The following STK39 variants were observed in gnomAD, a reference collection of about 807,000 sequenced individuals.
STK39 encodes serine/threonine kinase 39.
Under a neutral mutation model 77.8 loss-of-function variants are expected in STK39, and 20 were observed. The ratio of observed to expected loss-of-function variants is 0.26; its 90% CI spans 0.18 to 0.37. The LOEUF is 0.37. Ranked by LOEUF, STK39 falls within the 10% of genes least tolerant of loss-of-function variation. The pLI, the probability that STK39 is intolerant of heterozygous loss-of-function variation, is 1.00. For synonymous variants in STK39, 246 were observed against 234.1 expected (o/e 1.05, Z -0.47); for missense variants, 479 against 656.5 (o/e 0.73, Z 2.95).
At position 167,954,124 on chromosome 2, in the gene STK39, C is replaced by T. The variant is rs149907118; in HGVS notation, c.*1372G>A. The stretch of plus-strand genomic sequence containing the variant: ...GAATGAAATTACATTAAATTGTATG[C>T]AAATGGCTCTAGAACACCTTAACAA... On this transcript the variant is annotated 3_prime_UTR_variant, in exon 18 of 18. Coordinates refer to ENST00000355999, the MANE Select transcript of STK39 (RefSeq NM_013233.3). 232 of 152,690 alleles carry T rather than the reference C, an allele frequency of 1.5e-3. 1 individual carries two copies. Among genetic ancestry groups the T allele is most frequent in the African/African-American group, 5.3e-3 (219 of 41,536 alleles). 9.5% of individuals were successfully genotyped at this position (152,690 alleles called of 1,614,324 possible). A position where few individuals can be genotyped will look rare whatever the true frequency, so the allele number is the denominator to read the frequency against.
intron 16 of STK39, among the ~76,000 whole-genome samples, chr2:168,011,342 G>A (rs898802478): frequency 6.7e-6 from 1 of 150,070 alleles, no homozygotes; most frequent in African/African-American, 2.5e-5. Context: ...TATCATTTAA[G>A]GGGAGCATGT....
intron 1 of STK39, among the ~76,000 whole-genome samples, chr2:168,221,434 A>C (rs1046207360): frequency 6.6e-6 from 1 of 152,176 alleles, no homozygotes; most frequent in African/African-American, 2.4e-5. Flanking sequence ...AACTTCAAAA[A>C]CTTTTTATGA....
intron 16 of STK39, among the ~76,000 whole-genome samples, chr2:168,004,552 G>T (rs1290099201): frequency 6.6e-6 from 1 of 151,816 alleles, no homozygotes; most frequent in Non-Finnish European, 1.5e-5. Context: ...GTAACAGGGC[G>T]AAACCCCGTC....
At chr2:168,005,417 A>T (rs1209834918) in intron 16 of STK39, among the ~76,000 whole-genome samples, 1 of 63,964 alleles carries the variant, frequency 1.6e-5, no homozygotes, top group African/African-American at 1.1e-4. Context: ...CGCAGAGAGG[A>T]AAAAAAAAAA....
At chr2:168,224,198 C>G (rs768116506) in intron 1 of STK39, among the ~76,000 whole-genome samples, 16 of 151,520 alleles carry the variant, frequency 1.1e-4, no homozygotes, top group Non-Finnish European at 2.1e-4. Flanking sequence ...AATTCTTAAA[C>G]TAAAAAAACA....
At chr2:168,132,651 T>C (rs942481165) in intron 8 of STK39, among the ~76,000 whole-genome samples, 2 of 152,152 alleles carry the variant, frequency 1.3e-5, no homozygotes, top group Admixed American at 6.5e-5. Flanking sequence ...CCAATTTAAA[T>C]GTCATCTTCA....
At position 168,224,080 on chromosome 2, in the gene STK39, T is replaced by C. The variant is rs1465846645; in HGVS notation, c.208+23148A>G. 2.0e-5 allele frequency among the ~76,000 whole-genome samples: 3 copies of C among 152,142 alleles called. No homozygotes were observed. The East Asian group carries it at 5.8e-4, about 29-fold the overall frequency. ...TGTAAACATAAAGAAAAAAAGATTATATATAGTCATATGTTCTATATATAA... is the reference window on the plus strand; with the variant it reads ...TGTAAACATAAAGAAAAAAAGATTACATATAGTCATATGTTCTATATATAA... On this transcript the variant is annotated intron_variant, in intron 1 of 17. Coordinates refer to ENST00000355999, the MANE Select transcript of STK39 (RefSeq NM_013233.3).
rs1258665448 is a variant in STK39 at position 167,955,704 on chromosome 2, G to C, written c.1564-134C>G. 8 of 799,036 alleles carry C rather than the reference G, an allele frequency of 1.0e-5. No homozygotes were observed. The East Asian group carries it at 2.2e-4, about 22-fold the overall frequency. 49.5% of individuals were successfully genotyped at this position (799,036 alleles called of 1,614,324 possible). A position where few individuals can be genotyped will look rare whatever the true frequency, so the allele number is the denominator to read the frequency against. ...CATGTGTCCCATTTCTTCCAGAAGA[G>C]AGACGCCAGCCACTCTCTCGAATGA... On this transcript the variant is annotated intron_variant, in intron 17 of 17. Coordinates refer to ENST00000355999, the MANE Select transcript of STK39 (RefSeq NM_013233.3).
intron 16 of STK39, among the ~76,000 whole-genome samples, chr2:167,999,295 TC>T (rs1683931541): frequency 6.6e-6 from 1 of 152,246 alleles, no homozygotes; most frequent in African/African-American, 2.4e-5. Context: ...ACATCATTTT[TC>T]CTTCAGAATG....
At chr2:168,209,105 C>G (rs946178130) in intron 1 of STK39, among the ~76,000 whole-genome samples, 1 of 152,100 alleles carries the variant, frequency 6.6e-6, no homozygotes, top group African/African-American at 2.4e-5. Context: ...TACAAACCTT[C>G]GATTTTGGTT....
intron 10 of STK39, among the ~76,000 whole-genome samples, chr2:168,109,140 C>A (rs1013036370): frequency 1.3e-5 from 2 of 152,110 alleles, no homozygotes; most frequent in African/African-American, 4.8e-5. Context: ...CATATACAAA[C>A]AACATATATT....
At chr2:168,163,627 C>G in intron 4 of STK39, 112 bp downstream of exon 4, 1 of 1,596,650 alleles carries the variant, frequency 6.3e-7, no homozygotes, top group Non-Finnish European at 8.5e-7. Flanking sequence ...TTAAACATCT[C>G]TGCAGAGGTC....
intron 1 of STK39, among the ~76,000 whole-genome samples, chr2:168,214,082 A>G (rs1470174565): frequency 6.6e-6 from 1 of 151,938 alleles, no homozygotes; most frequent in Non-Finnish European, 1.5e-5. Flanking sequence ...AGCAGCATGG[A>G]CTCTAGAGCC....
chr2:168,100,085 A>G (rs1014071918), intron 10 of STK39, among the ~76,000 whole-genome samples: 1 of 152,256 alleles, frequency 6.6e-6, no homozygotes, highest in African/African-American at 2.4e-5. Context: ...AAAAGTCAAT[A>G]GCAGGCAGGG....
chr2:167,969,538 G>A (rs956745449), intron 16 of STK39, among the ~76,000 whole-genome samples: 24 of 152,010 alleles, frequency 1.6e-4, no homozygotes, highest in African/African-American at 5.1e-4. Context: ...TCTTATCATC[G>A]TGTACTGAAA....
intron 5 of STK39, among the ~76,000 whole-genome samples, chr2:168,160,098 A>T (rs574751874): frequency 6.6e-6 from 1 of 152,228 alleles, no homozygotes; most frequent in African/African-American, 2.4e-5. Context: ...AGAGGCTCGG[A>T]TCATTAATCT....
intron 10 of STK39, among the ~76,000 whole-genome samples, chr2:168,097,713 G>A (rs1334845378): frequency 6.7e-6 from 1 of 149,978 alleles, no homozygotes; most frequent in Non-Finnish European, 1.5e-5. Context: ...CAGCCTGCGT[G>A]ACAGAGCAAA....
At chr2:168,139,591 T>C (rs938922786) in intron 7 of STK39, among the ~76,000 whole-genome samples, 1 of 152,068 alleles carries the variant, frequency 6.6e-6, no homozygotes, top group Non-Finnish European at 1.5e-5. Context: ...TCTTGGGTTT[T>C]TAAAATAAAT....
At chr2:168,042,498 GGGT>G (rs1266678063) in intron 14 of STK39, among the ~76,000 whole-genome samples, 1 of 152,054 alleles carries the variant, frequency 6.6e-6, no homozygotes, top group Non-Finnish European at 1.5e-5. Context: ...TCAAAGGTAG[GGGT>G]TACAATGGAG....
Sources: allele counts gnomAD v4.1 joint callset (sites outside exome capture counted in the v4.1 genomes callset), GRCh38; gene constraint gnomAD v4.1.1; transcripts MANE v1.5; gene names NCBI Gene and HGNC (gene_info 2026-07-23, HGNC 2026-07-21).